ELMO1: variants seen among roughly 807,000 people sequenced by gnomAD.
ELMO1 encodes the protein engulfment and cell motility 1, also known as engulfment and cell motility protein 1.
A neutral mutation model predicts 98.9 loss-of-function variants in ELMO1; 26 were observed. That is an observed-to-expected ratio of 0.26 (90% CI 0.19 to 0.36). The LOEUF is 0.36. Ranked by LOEUF, ELMO1 falls within the 10% of genes least tolerant of loss-of-function variation. The probability of loss-of-function intolerance (pLI) is 1.00; values close to 1 mark genes in which losing one functional copy is unlikely to be tolerated. For missense variants in ELMO1, 627 were observed against 935.2 expected, an observed-to-expected ratio of 0.67 and a Z score of 4.30; for synonymous variants, 346 against 346.0, an observed-to-expected ratio of 1.00 and a Z score of 0.00.
intron 16 of ELMO1, among the ~76,000 whole-genome samples, chr7:36,973,750 G>A (rs1790194337): frequency 6.6e-6 from 1 of 152,220 alleles, no homozygotes; most frequent in Admixed American, 6.5e-5. Flanking sequence ...TGGAGGGAGA[G>A]GCGCGAGCGG....
At chr7:37,415,618 A>C (rs1361679638) in intron 1 of ELMO1, among the ~76,000 whole-genome samples, 1 of 152,248 alleles carries the variant, frequency 6.6e-6, no homozygotes, top group Non-Finnish European at 1.5e-5. Flanking sequence ...AGTACCTGGC[A>C]CATAATAAAG....
intron 5 of ELMO1, chr7:37,270,889 A>G (rs1361284911): frequency 6.7e-6 from 1 of 148,176 alleles, no homozygotes; most frequent in African/African-American, 2.5e-5. Context: ...TCTCACACAC[A>G]CACACACACA....
At chr7:37,387,069 G>A (rs1213765617) in intron 1 of ELMO1, among the ~76,000 whole-genome samples, 2 of 152,170 alleles carry the variant, frequency 1.3e-5, no homozygotes, top group African/African-American at 4.8e-5. Context: ...GCAGGCCCCA[G>A]TGAAAACATC....
intron 16 of ELMO1, among the ~76,000 whole-genome samples, chr7:36,938,624 T>A (rs1190614031): frequency 6.6e-6 from 1 of 152,264 alleles, no homozygotes; most frequent in East Asian, 1.9e-4. Context: ...TATCATATTA[T>A]GATTAACCAT....
At chr7:36,919,737 C>T (rs1314013557) in intron 16 of ELMO1, among the ~76,000 whole-genome samples, 2 of 152,060 alleles carry the variant, frequency 1.3e-5, no homozygotes, top group Admixed American at 1.3e-4. Flanking sequence ...GCTCTGTGAT[C>T]GATGCTGGGC....
chr7:36,859,837 G>A (rs892486884), intron 21 of ELMO1, among the ~76,000 whole-genome samples: 2 of 151,980 alleles, frequency 1.3e-5, no homozygotes, highest in African/African-American at 4.8e-5. Flanking sequence ...CTTATACATG[G>A]ATTTTTTTCT....
intron 1 of ELMO1, among the ~76,000 whole-genome samples, chr7:37,413,287 A>C (rs1804070571): frequency 6.6e-6 from 1 of 152,044 alleles, no homozygotes; most frequent in Non-Finnish European, 1.5e-5. Context: ...TCCAAGCCCA[A>C]CAGCCCTTTT....
intron 1 of ELMO1, among the ~76,000 whole-genome samples, chr7:37,443,464 T>C (rs1174023881): frequency 6.6e-6 from 1 of 152,234 alleles, no homozygotes; most frequent in Non-Finnish European, 1.5e-5. Flanking sequence ...AGTTTGTTAC[T>C]GTAGTTAATT....
intron 16 of ELMO1, among the ~76,000 whole-genome samples, chr7:36,916,790 A>G (rs1784723761): frequency 6.6e-6 from 1 of 151,836 alleles, no homozygotes; most frequent in African/African-American, 2.4e-5. Context: ...ATAGCTGGAA[A>G]CCTCCTGCTC....
intron 14 of ELMO1, among the ~76,000 whole-genome samples, chr7:37,126,115 G>C (rs974935676): frequency 6.6e-6 from 1 of 151,872 alleles, no homozygotes; most frequent in Non-Finnish European, 1.5e-5. Flanking sequence ...CTTGGACACA[G>C]GAAGGGGGAC....
At chr7:37,271,797 A>G in intron 5 of ELMO1, 35 bp downstream of exon 5, 2 of 1,605,450 alleles carry the variant, frequency 1.2e-6, no homozygotes, top group Non-Finnish European at 1.7e-6. Flanking sequence ...CAGAGCAAAG[A>G]GTTTGCTGGA....
intron 16 of ELMO1, among the ~76,000 whole-genome samples, chr7:36,934,524 T>C (rs1430939755): frequency 6.6e-6 from 1 of 152,234 alleles, no homozygotes; most frequent in Non-Finnish European, 1.5e-5. Context: ...CTGTGTACTT[T>C]TGGGCATTAT....
chr7:36,881,613 C>T (rs1244079360), intron 18 of ELMO1, among the ~76,000 whole-genome samples: 1 of 152,124 alleles, frequency 6.6e-6, no homozygotes, highest in Non-Finnish European at 1.5e-5. Context: ...TCTCCAAACC[C>T]AAAACAAAAT....
intron 1 of ELMO1, among the ~76,000 whole-genome samples, chr7:37,378,028 CAACCCTAAG>C (rs1279505965): frequency 6.6e-6 from 1 of 152,224 alleles, no homozygotes; most frequent in Non-Finnish European, 1.5e-5. Flanking sequence ...TCAGACCATG[CAACCCTAAG>C]AAGAAAAGTT....
At chr7:37,182,179 G>A (rs1044428063) in intron 13 of ELMO1, among the ~76,000 whole-genome samples, 2 of 152,174 alleles carry the variant, frequency 1.3e-5, no homozygotes, top group African/African-American at 2.4e-5. Context: ...GCTGCCCCCT[G>A]GTGACGACAT....
chr7:37,075,843 T>G (rs1797547837), intron 15 of ELMO1, among the ~76,000 whole-genome samples: 1 of 152,180 alleles, frequency 6.6e-6, no homozygotes, highest in South Asian at 2.1e-4. Flanking sequence ...AACTCATCCC[T>G]TAAGATAAAC....
Position 37,014,264 on chromosome 7 carries a change from T to A in ELMO1, c.1301-829A>T, listed in dbSNP as rs566952505. Reference sequence around the variant, plus strand: ...TGTAAGTTATACCTCATTTGATCTTTACAGTTCCTCTTACCACTCGTATCT... The same window carrying A: ...TGTAAGTTATACCTCATTTGATCTTAACAGTTCCTCTTACCACTCGTATCT... On this transcript the variant is annotated intron_variant, in intron 15 of 21. Coordinates refer to ENST00000310758, the MANE Select transcript of ELMO1 (RefSeq NM_014800.11). Among the ~76,000 whole-genome samples, 7 of 152,124 alleles carry A rather than the reference T, an allele frequency of 4.6e-5. No individual in the cohort carries two copies. The South Asian group carries it at 1.0e-3, about 22-fold the overall frequency.
intron 2 of ELMO1, among the ~76,000 whole-genome samples, chr7:37,321,394 G>A (rs1315816946): frequency 6.6e-6 from 1 of 152,084 alleles, no homozygotes; most frequent in Non-Finnish European, 1.5e-5. Context: ...TAGACCCGCT[G>A]AATAATTTGC....
chr7:37,018,128 A>T (rs912167325), intron 15 of ELMO1, among the ~76,000 whole-genome samples: 9 of 144,904 alleles, frequency 6.2e-5, no homozygotes, highest in Admixed American at 1.4e-4. Flanking sequence ...ATTAGTTACT[A>T]TTTTTTTTTT....
Sources: gnomAD v4.1 joint callset for allele counts (sites outside exome capture counted in the v4.1 genomes callset) on GRCh38, gnomAD v4.1.1 for gene constraint, MANE v1.5 for transcripts, NCBI Gene and HGNC (gene_info 2026-07-23, HGNC 2026-07-21) for gene names.